HSD17B12: variants seen among roughly 807,000 people sequenced by gnomAD.
HSD17B12 encodes the protein hydroxysteroid 17-beta dehydrogenase 12, also known as very-long-chain 3-oxoacyl-CoA reductase.
Under a neutral mutation model 39.3 loss-of-function variants are expected in HSD17B12, and 32 were observed. That is an observed-to-expected ratio of 0.81 (90% CI 0.61 to 1.09). The LOEUF is 1.09. Among genes scored for constraint, HSD17B12 ranks in the 50% least tolerant of loss-of-function variants. The probability of loss-of-function intolerance (pLI) is 0.00; values close to 1 mark genes in which losing one functional copy is unlikely to be tolerated. For synonymous variants in HSD17B12, 150 were observed against 146.7 expected, an observed-to-expected ratio of 1.02 and a Z score of -0.16; for missense variants, 342 against 382.9, an observed-to-expected ratio of 0.89 and a Z score of 0.89.
intron 1 of HSD17B12, chr11:43,734,035 T>C: frequency 1.3e-6 from 1 of 765,168 alleles, no homozygotes; most frequent in East Asian, 2.5e-5. Flanking sequence ...ACACGGCGGA[T>C]CCTCTTCCGG....
chr11:43,778,336 A>G (rs902939066), intron 3 of HSD17B12, among the ~76,000 whole-genome samples: 1 of 152,246 alleles, frequency 6.6e-6, no homozygotes, highest in Non-Finnish European at 1.5e-5. Context: ...AATTGTGGCA[A>G]TAATCAATAG....
At chr11:43,656,707 C>T in the HSD17B12 span, among the ~76,000 whole-genome samples, 8 of 152,038 alleles carry the variant, frequency 5.3e-5, no homozygotes, top group Non-Finnish European at 1.2e-4. Flanking sequence ...GTAGTTCAGC[C>T]GTTTTGAGTG....
In HSD17B12 at chr11:43,744,492, A is replaced by G. The variant is rs576557009; in HGVS notation, c.161-6419A>G. Among the ~76,000 whole-genome samples the G allele has an allele frequency of 1.6e-4, 24 of 152,330 alleles. No individual in the cohort carries two copies. The East Asian group carries it at 4.4e-3, about 28-fold the overall frequency. On this transcript the variant is annotated intron_variant, in intron 1 of 10. Transcript: ENST00000278353. ...AAAATGATTTCCTACTTAGAATTCT[A>G]TACCCAGTTAAGCTATTATATGTGT... is the stretch of plus-strand genomic sequence containing the variant.
chr11:43,657,140 C>T, the HSD17B12 span, among the ~76,000 whole-genome samples: 3 of 152,164 alleles, frequency 2.0e-5, no homozygotes, highest in Admixed American at 2.0e-4. Flanking sequence ...GAATTGATCC[C>T]TTTACCATTA....
intron 1 of HSD17B12, among the ~76,000 whole-genome samples, chr11:43,726,989 A>C (rs1433562723): frequency 6.6e-6 from 1 of 152,230 alleles, no homozygotes; most frequent in Non-Finnish European, 1.5e-5. Context: ...AATAATTCAA[A>C]GAATAGATTT....
chr11:43,649,869 T>A, the HSD17B12 span, among the ~76,000 whole-genome samples: 1 of 152,224 alleles, frequency 6.6e-6, no homozygotes, highest in Non-Finnish European at 1.5e-5. Context: ...GAAATCACTA[T>A]GTCGTGAGAA....
At chr11:43,711,180 A>G (rs1269812644) in intron 1 of HSD17B12, among the ~76,000 whole-genome samples, 1 of 152,218 alleles carries the variant, frequency 6.6e-6, no homozygotes, top group Non-Finnish European at 1.5e-5. Flanking sequence ...TGGGATTTCT[A>G]TAAACTACCT....
chr11:43,681,288 G>A, intron 1 of HSD17B12: 1 of 444,102 alleles, frequency 2.3e-6, no homozygotes, highest in Non-Finnish European at 3.3e-6. Flanking sequence ...AAGCCATTCC[G>A]TGTTCATGGA....
At chr11:43,840,200 G>T in intron 9 of HSD17B12, 136 bp downstream of exon 9, 9 of 613,060 alleles carry the variant, frequency 1.5e-5, no homozygotes, top group South Asian at 5.2e-5. Context: ...TTAAAAACGT[G>T]GTTTCTTTTT....
chr11:43,631,928 C>G, the HSD17B12 span, among the ~76,000 whole-genome samples: 11 of 152,226 alleles, frequency 7.2e-5, no homozygotes, highest in Admixed American at 5.2e-4. Context: ...GCCTCTCATC[C>G]CTCTTCACAG....
At chr11:43,686,767 T>G (rs777883066) in intron 1 of HSD17B12, among the ~76,000 whole-genome samples, 4 of 152,150 alleles carry the variant, frequency 2.6e-5, no homozygotes, top group Non-Finnish European at 4.4e-5. Flanking sequence ...GTAAAACAGA[T>G]AGTACATAAG....
rs929280545 is a variant in HSD17B12 at position 43,779,814 on chromosome 11, A to T, written c.284-18506A>T. 2.0e-5 allele frequency among the ~76,000 whole-genome samples: 3 copies of T among 152,224 alleles called. No individual in the cohort carries two copies. In the East Asian group the frequency reaches 5.8e-4, roughly 29 times the overall value. ...AGGCAAAATATTTTCCACATGATGC[A>T]TTACCGCTTTCACATTGGGTAGGAT... is the stretch of plus-strand genomic sequence containing the variant. On this transcript the variant is annotated intron_variant, in intron 3 of 10. Coordinates refer to ENST00000278353, the MANE Select transcript of HSD17B12 (RefSeq NM_016142.3).
the HSD17B12 span, among the ~76,000 whole-genome samples, chr11:43,640,204 G>T: frequency 1.3e-5 from 2 of 152,184 alleles, no homozygotes; most frequent in Non-Finnish European, 1.5e-5. Flanking sequence ...CTGTGGGGAG[G>T]GGGGAAAGCA....
At chr11:43,743,500 AG>A (rs1950386884) in intron 1 of HSD17B12, among the ~76,000 whole-genome samples, 2 of 152,186 alleles carry the variant, frequency 1.3e-5, no homozygotes. Flanking sequence ...TGGAAGTATC[AG>A]GTATCTCAAA....
In HSD17B12 at chr11:43,736,284, GT is replaced by G. The variant is rs377347490; in HGVS notation, c.161-14617del. 3.2e-3 allele frequency among the ~76,000 whole-genome samples: 482 copies of G among 149,652 alleles called. 3 individuals are homozygous for G. The highest frequency in any genetic ancestry group is 6.6e-3 in the African/African-American group (268 of 40,902). ...CCTTTAAGCAAATCTGCTTTTCACA[GT>G]TTTTTTTTTGTTTTCGTTTTTCTGT... On this transcript the variant is annotated intron_variant, in intron 1 of 10. Coordinates refer to ENST00000278353, the MANE Select transcript of HSD17B12 (RefSeq NM_016142.3).
chr11:43,580,436 A>T, the HSD17B12 span, among the ~76,000 whole-genome samples: 1 of 151,872 alleles, frequency 6.6e-6, no homozygotes. Context: ...GCCATTAAAC[A>T]CCCAATACTG....
At chr11:43,584,032 G>A in the HSD17B12 span, among the ~76,000 whole-genome samples, 2 of 152,190 alleles carry the variant, frequency 1.3e-5, no homozygotes, top group Non-Finnish European at 2.9e-5. Context: ...CCTGCCCCCA[G>A]TGGGGAGAGG....
At chr11:43,614,699 G>A in the HSD17B12 span, among the ~76,000 whole-genome samples, 1 of 151,946 alleles carries the variant, frequency 6.6e-6, no homozygotes, top group Non-Finnish European at 1.5e-5. Context: ...TTAACTTTCT[G>A]TGCTTTATTT....
intron 1 of HSD17B12, among the ~76,000 whole-genome samples, chr11:43,687,210 A>G (rs1406816570): frequency 6.6e-6 from 1 of 152,212 alleles, no homozygotes; most frequent in Non-Finnish European, 1.5e-5. Context: ...ACATGTAGCA[A>G]TTCATATGCA....
Sources: allele counts gnomAD v4.1 joint callset (sites outside exome capture counted in the v4.1 genomes callset), GRCh38; gene constraint gnomAD v4.1.1; transcripts MANE v1.5; gene names NCBI Gene and HGNC (gene_info 2026-07-23, HGNC 2026-07-21).